Variants in MCTP1 observed in about 807,000 individuals in gnomAD.
MCTP1 encodes the protein multiple C2 and transmembrane domain-containing protein 1.
A neutral mutation model predicts 120.6 loss-of-function variants in MCTP1; 69 were observed. That is an observed-to-expected ratio of 0.57 (90% confidence interval 0.47 to 0.70). The LOEUF (loss-of-function observed/expected upper bound fraction) is 0.70, where lower values mean the gene tolerates loss of function less well. Among genes scored for constraint, MCTP1 ranks in the 30% least tolerant of loss-of-function variants. The pLI, the probability that MCTP1 is intolerant of heterozygous loss-of-function variation, is 0.00. For synonymous variants in MCTP1, 529 were observed against 493.1 expected, an observed-to-expected ratio of 1.07 and a Z score of -0.96; for missense variants, 1,203 against 1,248.8, an observed-to-expected ratio of 0.96 and a Z score of 0.55.
At chr5:94,867,003 G>T in intron 17 of MCTP1, 1 of 214,754 alleles carries the variant, frequency 4.7e-6, no homozygotes, top group Non-Finnish European at 9.1e-6. Flanking sequence ...ATCTTTACAG[G>T]ACAATTTTTT....
chr5:94,957,981 C>G (rs1486543621), intron 2 of MCTP1, among the ~76,000 whole-genome samples: 1 of 152,152 alleles, frequency 6.6e-6, no homozygotes, highest in Non-Finnish European at 1.5e-5. Flanking sequence ...TTCTCAGCAC[C>G]ACATTACACT....
chr5:94,769,146 A>G (rs1463775382), intron 19 of MCTP1, among the ~76,000 whole-genome samples: 1 of 152,200 alleles, frequency 6.6e-6, no homozygotes, highest in Admixed American at 6.5e-5. Context: ...ACAAAGAAAA[A>G]TATCACATAT....
intron 15 of MCTP1, among the ~76,000 whole-genome samples, 156 bp from the exon 16 acceptor site, chr5:94,870,647 C>T (rs189269608): frequency 6.6e-6 from 1 of 152,224 alleles, no homozygotes; most frequent in East Asian, 1.9e-4. Context: ...GCATGCGCTT[C>T]CCTTTCTTAT....
chr5:94,893,321 A>G (rs928030456), intron 11 of MCTP1, among the ~76,000 whole-genome samples: 1 of 152,242 alleles, frequency 6.6e-6, no homozygotes, highest in Non-Finnish European at 1.5e-5. Flanking sequence ...AAGAATTTTT[A>G]TATTAATATA....
chr5:94,897,317 A>T (rs1804298207), intron 10 of MCTP1, among the ~76,000 whole-genome samples: 1 of 147,986 alleles, frequency 6.8e-6, no homozygotes. Flanking sequence ...CAAGCAATCC[A>T]CCTGGCTCGG....
At chr5:95,163,766 A>T (rs1299788414) in intron 1 of MCTP1, among the ~76,000 whole-genome samples, 1 of 152,134 alleles carries the variant, frequency 6.6e-6, no homozygotes, top group Non-Finnish European at 1.5e-5. Context: ...ATTCTCTGTA[A>T]CACTAATCAG....
At chr5:94,809,993 T>G (rs1316884947) in intron 17 of MCTP1, among the ~76,000 whole-genome samples, 3 of 152,130 alleles carry the variant, frequency 2.0e-5, no homozygotes, top group Non-Finnish European at 2.9e-5. Flanking sequence ...CAGTTGTGTT[T>G]TAGCTTTTCT....
At chr5:94,920,157 A>G (rs886424235) in intron 7 of MCTP1, among the ~76,000 whole-genome samples, 2 of 152,214 alleles carry the variant, frequency 1.3e-5, no homozygotes, top group Non-Finnish European at 2.9e-5. Context: ...AAATACATAC[A>G]AATAGAAAAT....
chr5:95,037,397 A>G (rs553682445), intron 1 of MCTP1, among the ~76,000 whole-genome samples: 1 of 152,340 alleles, frequency 6.6e-6, no homozygotes, highest in African/African-American at 2.4e-5. Flanking sequence ...ACCAGGTTAA[A>G]TCTACCTATG....
In MCTP1 at chr5:95,236,975, G is replaced by T. The variant is rs1755607964; in HGVS notation, c.720+46881C>A. Among the ~76,000 whole-genome samples, 5 of 152,130 alleles carry T rather than the reference G, an allele frequency of 3.3e-5. No individual in the cohort carries two copies. The South Asian group carries it at 1.0e-3, about 32-fold the overall frequency. On this transcript the variant is annotated intron_variant, in intron 1 of 22. Coordinates refer to ENST00000515393, the MANE Select transcript of MCTP1 (RefSeq NM_024717.7). Reference sequence around the variant, plus strand: ...GGCCTTCTTATTTAAGCCATTTTTAGGTGGGTATTCTGATATTTCCCTATA... The same window carrying T: ...GGCCTTCTTATTTAAGCCATTTTTATGTGGGTATTCTGATATTTCCCTATA...
intron 17 of MCTP1, among the ~76,000 whole-genome samples, chr5:94,843,069 T>TA (rs1248446363): frequency 1.3e-5 from 2 of 151,788 alleles, no homozygotes; most frequent in East Asian, 3.9e-4. Context: ...AGCTTATATA[T>TA]AAAAAATTCT....
chr5:94,927,451 T>C (rs1470994931), intron 6 of MCTP1, among the ~76,000 whole-genome samples: 1 of 152,164 alleles, frequency 6.6e-6, no homozygotes, highest in African/African-American at 2.4e-5. Flanking sequence ...ATGTACTTTT[T>C]TTCAAAGACA....
chr5:94,875,959 T>C (rs1418177923), intron 12 of MCTP1, among the ~76,000 whole-genome samples: 2 of 152,262 alleles, frequency 1.3e-5, no homozygotes, highest in Non-Finnish European at 1.5e-5. Context: ...TATGTTATGT[T>C]TGACTTATTT....
intron 2 of MCTP1, among the ~76,000 whole-genome samples, chr5:94,956,850 A>ATAT (rs1198360092): frequency 6.6e-6 from 1 of 151,872 alleles, no homozygotes; most frequent in Non-Finnish European, 1.5e-5. Flanking sequence ...ACACTTCAGG[A>ATAT]TATCCAGGAG....
At chr5:95,264,066 T>C (rs1212053006) in intron 1 of MCTP1, among the ~76,000 whole-genome samples, 5 of 152,210 alleles carry the variant, frequency 3.3e-5, no homozygotes, top group African/African-American at 1.2e-4. Flanking sequence ...TACTAAAGCA[T>C]ATTTGTATAA....
At chr5:95,255,781 C>A (rs1034161915) in intron 1 of MCTP1, among the ~76,000 whole-genome samples, 4 of 152,106 alleles carry the variant, frequency 2.6e-5, no homozygotes, top group Non-Finnish European at 2.9e-5. Flanking sequence ...ATAAGCTAAT[C>A]CCCAATCAAG....
At chr5:94,770,278 T>C (rs1171927946) in intron 19 of MCTP1, among the ~76,000 whole-genome samples, 1 of 152,212 alleles carries the variant, frequency 6.6e-6, no homozygotes, top group African/African-American at 2.4e-5. Flanking sequence ...CTATGAATGT[T>C]GTCAACCTCC....
chr5:95,040,228 G>A (rs1196230717), intron 1 of MCTP1, among the ~76,000 whole-genome samples: 1 of 152,120 alleles, frequency 6.6e-6, no homozygotes, highest in Non-Finnish European at 1.5e-5. Context: ...CTGAGGTCAG[G>A]AGTTTGAGAC....
chr5:95,201,452 A>G (rs1374648821), intron 1 of MCTP1, among the ~76,000 whole-genome samples: 1 of 142,406 alleles, frequency 7.0e-6, no homozygotes, highest in African/African-American at 2.6e-5. Flanking sequence ...GATAAAATGT[A>G]AAGGAAAAGT....
Sources: gnomAD v4.1 joint callset for allele counts (sites outside exome capture counted in the v4.1 genomes callset) on GRCh38, gnomAD v4.1.1 for gene constraint, MANE v1.5 for transcripts, NCBI Gene and HGNC (gene_info 2026-07-23, HGNC 2026-07-21) for gene names.